The following CCDC141 variants were observed in gnomAD, a reference collection of about 807,000 sequenced individuals.
The protein encoded by CCDC141 is coiled-coil domain-containing protein 141.
In CCDC141, 168 loss-of-function variants were observed where a neutral mutation model predicts 181.0. That is an observed-to-expected ratio of 0.93 (90% CI 0.82 to 1.05). The LOEUF is 1.05. CCDC141 is among the 50% of genes least tolerant of loss of function. The pLI is 0.00. For missense variants in CCDC141, 1,902 were observed against 1,788.5 expected (o/e 1.06, Z -1.14); for synonymous variants, 666 against 642.3 (o/e 1.04, Z -0.56).
intron 2 of CCDC141, among the ~76,000 whole-genome samples, chr2:179,044,756 C>T (rs796980928): frequency 5.3e-4 from 80 of 152,254 alleles, no homozygotes; most frequent in African/African-American, 1.5e-3. Context: ...ATCATGAGAA[C>T]GCAAACTTCT....
intron 6 of CCDC141, among the ~76,000 whole-genome samples, chr2:178,925,525 TTCTTC>T (rs1381292152): frequency 6.6e-6 from 1 of 152,236 alleles, no homozygotes; most frequent in Non-Finnish European, 1.5e-5. Context: ...CATTTCTTCT[TTCTTC>T]CTTGGTTCAA....
At chr2:178,848,715 G>A (rs1000223523) in intron 21 of CCDC141, among the ~76,000 whole-genome samples, 4 of 152,150 alleles carry the variant, frequency 2.6e-5, no homozygotes, top group African/African-American at 9.7e-5. Flanking sequence ...AGAGTCGGAG[G>A]AAGCACTGAT....
chr2:178,967,300 G>T (rs528160498), intron 4 of CCDC141, among the ~76,000 whole-genome samples: 2 of 152,208 alleles, frequency 1.3e-5, no homozygotes, highest in East Asian at 3.9e-4. Flanking sequence ...ACACATAATG[G>T]TCAGATTCAC....
At chr2:178,946,443 G>A (rs1689737124) in intron 5 of CCDC141, among the ~76,000 whole-genome samples, 1 of 152,204 alleles carries the variant, frequency 6.6e-6, no homozygotes, top group Non-Finnish European at 1.5e-5. Flanking sequence ...AGTGGATCAC[G>A]AATACAACTG....
rs904115622 is a variant in CCDC141, at chr2:178,944,515, G to T, written c.897+20C>A. The T allele has an allele frequency of 1.2e-5, 14 of 1,154,778 alleles. No homozygotes were observed. In the African/African-American group the frequency reaches 2.1e-4, roughly 17 times the overall value. The allele number at this position is 1,154,778 out of a possible 1,614,324, so 71.5% of individuals were successfully genotyped here. Reference sequence around the variant, plus strand: ...AATGCATTTTTCAATTATTTTTAGTGTGTCTAATATATCTCTTACCTTTGC... The same window carrying T: ...AATGCATTTTTCAATTATTTTTAGTTTGTCTAATATATCTCTTACCTTTGC... On this transcript the variant is annotated intron_variant, in intron 6 of 23. Transcript: ENST00000443758.
chr2:179,014,063 C>G (rs112582110), intron 2 of CCDC141, among the ~76,000 whole-genome samples: 112 of 149,070 alleles, frequency 7.5e-4, no homozygotes, highest in African/African-American at 2.6e-3. Flanking sequence ...CAGCATGATA[C>G]TGGTATAAAA....
chr2:179,000,236 A>G (rs1414015703), intron 2 of CCDC141, among the ~76,000 whole-genome samples: 1 of 152,170 alleles, frequency 6.6e-6, no homozygotes, highest in East Asian at 1.9e-4. Context: ...AAAACTTAAA[A>G]AAGAATATTC....
At chr2:178,899,050 T>C (rs777547151) in intron 8 of CCDC141, among the ~76,000 whole-genome samples, 21 of 152,084 alleles carry the variant, frequency 1.4e-4, no homozygotes, top group Non-Finnish European at 2.6e-4. Flanking sequence ...AGTACAGTTA[T>C]ACACTGTATA....
At chr2:178,889,209 T>TA (rs11324020) in intron 8 of CCDC141, among the ~76,000 whole-genome samples, 4 of 150,732 alleles carry the variant, frequency 2.7e-5, no homozygotes, top group Admixed American at 6.6e-5. Flanking sequence ...TACTTGTTGA[T>TA]AAAAAAAAAA....
chr2:178,882,033 A>G (rs550224649), intron 11 of CCDC141, among the ~76,000 whole-genome samples: 2 of 152,038 alleles, frequency 1.3e-5, no homozygotes, highest in East Asian at 3.9e-4. Flanking sequence ...TAAGGACATC[A>G]CTGTAGAACA....
At chr2:178,900,908 T>C (rs979455351) in intron 8 of CCDC141, among the ~76,000 whole-genome samples, 1 of 152,132 alleles carries the variant, frequency 6.6e-6, no homozygotes, top group Non-Finnish European at 1.5e-5. Context: ...AGTGATCTGT[T>C]AGAGAAGGAA....
At chr2:178,857,447 T>A (rs1012763157) in intron 17 of CCDC141, among the ~76,000 whole-genome samples, 2 of 152,208 alleles carry the variant, frequency 1.3e-5, no homozygotes, top group African/African-American at 4.8e-5. Context: ...GTGAGAGTTG[T>A]TGCTAATGAC....
chr2:179,015,105 A>ATACATATATATATAT (rs2042416930), intron 2 of CCDC141, among the ~76,000 whole-genome samples: 5 of 21,362 alleles, frequency 2.3e-4, no homozygotes, highest in African/African-American at 5.6e-4. Context: ...TATATATATA[A>ATACATATATATATAT]TATATATATA....
At chr2:178,917,741 C>G (rs913928823) in intron 7 of CCDC141, among the ~76,000 whole-genome samples, 1 of 152,336 alleles carries the variant, frequency 6.6e-6, no homozygotes, top group Middle Eastern at 3.4e-3. Context: ...AACATTGCCA[C>G]TTAGCAGGAA....
At chr2:178,847,514 G>C (rs1684989728) in intron 21 of CCDC141, among the ~76,000 whole-genome samples, 1 of 152,206 alleles carries the variant, frequency 6.6e-6, no homozygotes, top group African/African-American at 2.4e-5. Flanking sequence ...CTGGGCAACA[G>C]AGCAACACAC....
At chr2:179,031,941 T>C (rs753323280) in intron 2 of CCDC141, among the ~76,000 whole-genome samples, 13 of 152,116 alleles carry the variant, frequency 8.5e-5, no homozygotes, top group Admixed American at 8.5e-4. Flanking sequence ...ATTTGAGAGC[T>C]TGTGGTTCTT....
intron 21 of CCDC141, among the ~76,000 whole-genome samples, chr2:178,846,516 C>T (rs1255038860): frequency 6.6e-6 from 1 of 152,182 alleles, no homozygotes; most frequent in Non-Finnish European, 1.5e-5. Flanking sequence ...GCATATGCAA[C>T]ACTGGCTCGG....
chr2:178,918,087 C>T (rs577508942), intron 7 of CCDC141, among the ~76,000 whole-genome samples: 9 of 152,196 alleles, frequency 5.9e-5, no homozygotes, highest in African/African-American at 9.6e-5. Flanking sequence ...AGTGTCCCCC[C>T]GAAACAGACC....
At chr2:178,975,297 T>C in intron 3 of CCDC141, 132 bp from the exon 4 acceptor site, 1 of 529,630 alleles carries the variant, frequency 1.9e-6, no homozygotes, top group Non-Finnish European at 3.4e-6. Flanking sequence ...AGTGCATATG[T>C]TTGTATGTGT....
Sources: gnomAD v4.1 joint callset for allele counts (sites outside exome capture counted in the v4.1 genomes callset) on GRCh38, gnomAD v4.1.1 for gene constraint, MANE v1.5 for transcripts, NCBI Gene and HGNC (gene_info 2026-07-23, HGNC 2026-07-21) for gene names.